LRP1B: variants seen among roughly 807,000 people sequenced by gnomAD.
LRP1B encodes low-density lipoprotein receptor-related protein 1B.
A neutral mutation model predicts 556.6 loss-of-function variants in LRP1B; 217 were observed. The ratio of observed to expected loss-of-function variants is 0.39; its 90% CI spans 0.35 to 0.44. LRP1B has a LOEUF of 0.44. Among genes scored for constraint, LRP1B ranks in the 20% least tolerant of loss-of-function variants. The pLI is 1.00. For missense variants in LRP1B, 5,053 were observed against 5,620.8 expected (o/e 0.90, Z 3.23); for synonymous variants, 2,047 against 1,865.8 (o/e 1.10, Z -2.50).
intron 43 of LRP1B, among the ~76,000 whole-genome samples, chr2:140,587,132 A>T (rs1014739816): frequency 6.6e-5 from 10 of 152,150 alleles, no homozygotes; most frequent in African/African-American, 2.4e-4. Context: ...GTAAACTAAA[A>T]AGTAGAATAA....
At position 140,509,937 on chromosome 2, in the gene LRP1B, C is replaced by T. The variant is rs1343105936; in HGVS notation, c.8389G>A (p.Ala2797Thr). 1 of 1,613,492 alleles carries T rather than the reference C, an allele frequency of 6.2e-7. No individual in the cohort carries two copies. The highest frequency in any genetic ancestry group is 1.1e-5 in the South Asian group (1 of 90,996). The change falls in exon 52 of 91, where the codon GCA becomes ACA. Residue 2797 changes from alanine (A) to threonine (T), a missense_variant. Coordinates refer to ENST00000389484, the MANE Select transcript of LRP1B (RefSeq NM_018557.3). ...CPDGSDELST[A>T]GCAPNNTCDE... ...TGGCCAGTGTTCATACCGCAGCCTG[C>T]TGTGGAAAGCTCATCGCTTCCATCT...
chr2:141,826,349 C>T (rs1696921155), intron 1 of LRP1B, among the ~76,000 whole-genome samples: 1 of 138,600 alleles, frequency 7.2e-6, no homozygotes. Flanking sequence ...CCATACTTTT[C>T]AGAAGTTTTT....
At chr2:141,706,313 ATTC>A (rs1168716412) in intron 2 of LRP1B, among the ~76,000 whole-genome samples, 1 of 152,104 alleles carries the variant, frequency 6.6e-6, no homozygotes, top group Non-Finnish European at 1.5e-5. Flanking sequence ...AATTGCTTAC[ATTC>A]TTCAAGAAGG....
chr2:141,654,908 G>A (rs541757188), intron 2 of LRP1B, among the ~76,000 whole-genome samples: 7 of 152,180 alleles, frequency 4.6e-5, no homozygotes, highest in South Asian at 2.1e-4. Context: ...TATAACAGTC[G>A]GGATAGAAAT....
intron 3 of LRP1B, among the ~76,000 whole-genome samples, chr2:141,331,387 C>T (rs1687638725): frequency 2.6e-5 from 4 of 152,164 alleles, no homozygotes; most frequent in Admixed American, 2.0e-4. Flanking sequence ...CCTCAAGTCC[C>T]ATTGGGTTGA....
At chr2:141,413,584 T>G (rs531846148) in intron 3 of LRP1B, among the ~76,000 whole-genome samples, 2 of 152,284 alleles carry the variant, frequency 1.3e-5, no homozygotes, top group South Asian at 4.1e-4. Context: ...TCTAAACCAT[T>G]AAGTTTGTGG....
intron 41 of LRP1B, among the ~76,000 whole-genome samples, chr2:140,667,070 A>T (rs1685303694): frequency 6.6e-6 from 1 of 152,206 alleles, no homozygotes; most frequent in African/African-American, 2.4e-5. Context: ...AGGAGCTAGG[A>T]AAAAGTTTTC....
Position 140,499,625 on chromosome 2 carries a change from T to C in LRP1B, c.8850+2062A>G, listed in dbSNP as rs1051194422. On this transcript the variant is annotated intron_variant, in intron 55 of 90. Transcript: ENST00000389484. ...GCATATTGTTCCTAGGTTACAAACC[T>C]GTACAGCATGTTACTATATTGAATG... Among the ~76,000 whole-genome samples the C allele has an allele frequency of 1.3e-5, 2 of 151,946 alleles. 1 individual carries two copies. Among genetic ancestry groups the C allele is most frequent in the South Asian group, 4.1e-4 (2 of 4,836 alleles).
chr2:141,440,039 A>G (rs1680903389), intron 3 of LRP1B, among the ~76,000 whole-genome samples: 5 of 152,302 alleles, frequency 3.3e-5, no homozygotes, highest in Non-Finnish European at 7.4e-5. Flanking sequence ...GACAACACAT[A>G]ACAGCAACAA....
intron 18 of LRP1B, among the ~76,000 whole-genome samples, chr2:140,961,630 T>G (rs1696037351): frequency 6.6e-6 from 1 of 152,122 alleles, no homozygotes; most frequent in Non-Finnish European, 1.5e-5. Context: ...CCACACAATT[T>G]TTTTTCCATT....
chr2:140,261,727 AAG>A (rs567675019), intron 86 of LRP1B, among the ~76,000 whole-genome samples: 213 of 151,930 alleles, frequency 1.4e-3, no homozygotes, highest in Non-Finnish European at 2.7e-3. Context: ...AAATAAACAT[AAG>A]AGTGTATCAT....
chr2:140,618,226 C>G (rs904823916), intron 41 of LRP1B, among the ~76,000 whole-genome samples: 6 of 151,314 alleles, frequency 4.0e-5, no homozygotes, highest in Non-Finnish European at 8.9e-5. Flanking sequence ...TAAATTAAGA[C>G]AGAGAAAAAA....
chr2:140,729,263 T>C (rs1202212153), intron 35 of LRP1B, among the ~76,000 whole-genome samples: 3 of 152,106 alleles, frequency 2.0e-5, no homozygotes, highest in Non-Finnish European at 2.9e-5. Context: ...AAAGTTAACA[T>C]TGATTTGGAT....
intron 3 of LRP1B, among the ~76,000 whole-genome samples, chr2:141,398,832 T>C (rs1559049136): frequency 6.6e-6 from 1 of 152,182 alleles, no homozygotes; most frequent in Non-Finnish European, 1.5e-5. Flanking sequence ...CAGCTCCAGT[T>C]GGATAGGAGA....
chr2:141,160,903 T>C (rs1237755380), intron 7 of LRP1B, among the ~76,000 whole-genome samples: 1 of 151,836 alleles, frequency 6.6e-6, no homozygotes, highest in Middle Eastern at 3.2e-3. Flanking sequence ...AAAGGGTGCA[T>C]GTGAATCTGA....
chr2:140,665,813 C>G (rs1259632784), intron 41 of LRP1B, among the ~76,000 whole-genome samples: 1 of 151,916 alleles, frequency 6.6e-6, no homozygotes, highest in Non-Finnish European at 1.5e-5. Context: ...TGTAACTTAT[C>G]TAAGAATAAT....
At chr2:140,985,134 C>T (rs1346710332) in intron 17 of LRP1B, among the ~76,000 whole-genome samples, 1 of 151,930 alleles carries the variant, frequency 6.6e-6, no homozygotes, top group Non-Finnish European at 1.5e-5. Context: ...CAGAGATTTG[C>T]TGTAATCATG....
chr2:141,599,303 C>T (rs1016926133), intron 2 of LRP1B, among the ~76,000 whole-genome samples: 9 of 151,870 alleles, frequency 5.9e-5, no homozygotes, highest in African/African-American at 9.7e-5. Flanking sequence ...TTTAATTTCC[C>T]TATTCAACAT....
intron 11 of LRP1B, among the ~76,000 whole-genome samples, chr2:141,031,240 A>C (rs1698359520): frequency 7.1e-6 from 1 of 139,962 alleles, no homozygotes; most frequent in Non-Finnish European, 1.5e-5. Flanking sequence ...ATATAATGGC[A>C]TATATACATA....
Sources: gnomAD v4.1 joint callset for allele counts (sites outside exome capture counted in the v4.1 genomes callset) on GRCh38, gnomAD v4.1.1 for gene constraint, MANE v1.5 for transcripts, NCBI Gene and HGNC (gene_info 2026-07-23, HGNC 2026-07-21) for gene names.